The following NSD1 variants were observed in gnomAD, a reference collection of about 807,000 sequenced individuals.
The protein encoded by NSD1 is nuclear receptor binding SET domain protein 1.
In NSD1, 26 loss-of-function variants were observed where a neutral mutation model predicts 242.7. The ratio of observed to expected loss-of-function variants is 0.11; its 90% confidence interval spans 0.08 to 0.15. The LOEUF (loss-of-function observed/expected upper bound fraction) is 0.15. NSD1 is among the 10% of genes least tolerant of loss of function. NSD1 has a pLI of 1.00. For synonymous variants in NSD1, 1,106 were observed against 1,178.1 expected (o/e 0.94, Z 1.25); for missense variants, 2,495 against 3,272.8 (o/e 0.76, Z 5.80).
At chr5:177,292,525 G>T (rs1395988075) in intron 22 of NSD1, among the ~76,000 whole-genome samples, 1 of 152,116 alleles carries the variant, frequency 6.6e-6, no homozygotes, top group East Asian at 1.9e-4. Flanking sequence ...CTGGGTTTTT[G>T]ACTCCAAGAC....
Position 177,210,239 on chromosome 5 carries a change from G to A in NSD1, c.1840G>A (p.Val614Met), listed in dbSNP as rs3733875. Residue 614 changes from valine (V) to methionine (M), a missense_variant, in exon 5 of 23, where the codon GTG (valine) becomes ATG (methionine). Physicochemically the swap from Val to Met is conservative, Grantham distance 21. Coordinates refer to ENST00000439151, the MANE Select transcript of NSD1 (RefSeq NM_022455.5). The stretch of plus-strand genomic sequence containing the variant: ...GAAGAATAAACCCCAACGAAGCCTG[G>A]TGTGTGGTTCAAAAGTGAAGCTCTG... The part of the protein sequence containing the change: ...REKNKPQRSL[V>M]CGSKVKLCYI... 1.9e-6 allele frequency: 3 copies of A among 1,597,762 alleles called. No homozygotes were observed. Among genetic ancestry groups the A allele is most frequent in the Admixed American group, 1.7e-5 (1 of 57,236 alleles).
At chr5:177,199,063 A>G (rs770128534) in intron 3 of NSD1, among the ~76,000 whole-genome samples, 92 of 152,226 alleles carry the variant, frequency 6.0e-4, no homozygotes, top group Non-Finnish European at 1.2e-3. Flanking sequence ...TACACATTAA[A>G]TAGAAATGGT....
chr5:177,198,632 T>TG (rs146774548), intron 3 of NSD1, among the ~76,000 whole-genome samples: 1,948 of 152,164 alleles, frequency 0.013, 87 homozygotes, highest in East Asian at 0.11. Context: ...CACCAACATA[T>TG]GGGGGGGTCA....
At position 177,300,061 on chromosome 5, in the gene NSD1, C is replaced by CT. The variant is rs1228539235; in HGVS notation, c.*4602_*4603insT. ...CCATCATTGCTTTTTTGCCGCGCCCCCCCCCCCCCGCCCCCATAGATTGTC... is the reference window on the plus strand; with the variant it reads ...CCATCATTGCTTTTTTGCCGCGCCCCTCCCCCCCCCGCCCCCATAGATTGTC... On this transcript the variant is annotated 3_prime_UTR_variant, in exon 23 of 23. Transcript: ENST00000439151. 1 of 172,526 alleles carries CT rather than the reference C, an allele frequency of 5.8e-6. No homozygotes were observed. Among genetic ancestry groups the CT allele is most frequent in the South Asian group, 2.4e-4 (1 of 4,110 alleles). The allele number at this position is 172,526 out of a possible 1,614,324, so 10.7% of individuals were successfully genotyped here.
At chr5:177,221,151 G>T in intron 5 of NSD1, 2 of 353,408 alleles carry the variant, frequency 5.7e-6, no homozygotes, top group South Asian at 4.1e-5. Context: ...GGGATTACAG[G>T]TGTGAGCCAC....
At chr5:177,143,407 C>T (rs1451819032) in intron 2 of NSD1, among the ~76,000 whole-genome samples, 4 of 151,986 alleles carry the variant, frequency 2.6e-5, no homozygotes, top group East Asian at 1.9e-4. Context: ...CTGCAATCTC[C>T]GTCTGCCGTG....
chr5:177,150,916 A>G (rs1757649229), intron 2 of NSD1, among the ~76,000 whole-genome samples: 1 of 152,248 alleles, frequency 6.6e-6, no homozygotes, highest in Non-Finnish European at 1.5e-5. Context: ...TTGGAATTTT[A>G]CATTCAAAAG....
At position 177,300,055 on chromosome 5, in the gene NSD1, G is replaced by GCCCCC. The variant is rs1223900472; in HGVS notation, c.*4597_*4598insCCCCC. The stretch of plus-strand genomic sequence containing the variant: ...CAAGGTCCATCATTGCTTTTTTGCC[G>GCCCCC]CGCCCCCCCCCCCCCGCCCCCATAG... On this transcript the variant is annotated 3_prime_UTR_variant, in exon 23 of 23. Coordinates refer to ENST00000439151, the MANE Select transcript of NSD1 (RefSeq NM_022455.5). 2.2e-5 allele frequency: 3 copies of GCCCCC among 135,808 alleles called. No individual in the cohort carries two copies. The highest frequency in any genetic ancestry group is 1.3e-4 in the Admixed American group (1 of 7,948). The allele number at this position is 135,808 out of a possible 1,614,324, so 8.4% of individuals were successfully genotyped here.
chr5:177,166,517 CCTGGGTA>C (rs1284219545), intron 2 of NSD1, among the ~76,000 whole-genome samples: 1 of 151,288 alleles, frequency 6.6e-6, no homozygotes, highest in African/African-American at 2.4e-5. Flanking sequence ...TGCACTCCAG[CCTGGGTA>C]ATAGAGTGAG....
intron 2 of NSD1, among the ~76,000 whole-genome samples, chr5:177,156,543 G>A (rs186749736): frequency 2.0e-5 from 3 of 152,196 alleles, no homozygotes; most frequent in East Asian, 1.9e-4. Flanking sequence ...GGCTTGGAGC[G>A]GTGGCTCATG....
At position 177,211,522 on chromosome 5, in the gene NSD1, C is replaced by A. The variant is rs577884259; in HGVS notation, c.3123C>A (p.Asn1041Lys). 3 of 1,614,072 alleles carry A rather than the reference C, an allele frequency of 1.9e-6. No individual in the cohort carries two copies. The African/African-American group carries it at 4.0e-5, about 22-fold the overall frequency. Residue 1041 changes from asparagine (N) to lysine (K), a missense_variant, in exon 5 of 23, where the codon AAC (asparagine) becomes AAA (lysine). Physicochemically the swap from Asn to Lys is moderately conservative, Grantham distance 94. This residue lies in a region of NSD1 where 426 missense variants were observed against 411.4 expected (regional missense o/e 1.04). Coordinates refer to ENST00000439151, the MANE Select transcript of NSD1 (RefSeq NM_022455.5). ...CTTTTTCAGCCCAAATGGTAAAGAA[C>A]ACAGTGAACCGTAAAGCCTTAAAGA... ...RDAFSAQMVK[N>K]TVNRKALKTE...
At chr5:177,252,714 G>A (rs1248232230) in intron 12 of NSD1, among the ~76,000 whole-genome samples, 1 of 151,160 alleles carries the variant, frequency 6.6e-6, no homozygotes, top group Non-Finnish European at 1.5e-5. Context: ...ACCATGCGTG[G>A]GCAATTTTTT....
chr5:177,213,661 G>T (rs1009787808), intron 5 of NSD1, among the ~76,000 whole-genome samples: 2 of 152,090 alleles, frequency 1.3e-5, no homozygotes, highest in South Asian at 2.1e-4. Flanking sequence ...TAGTAGAGAC[G>T]GGGTTTCACT....
intron 15 of NSD1, among the ~76,000 whole-genome samples, chr5:177,268,339 TG>T (rs1757679397): frequency 2.6e-5 from 2 of 77,868 alleles, no homozygotes; most frequent in African/African-American, 5.1e-5. Flanking sequence ...GGGTGGGGGG[TG>T]GGGGGAGGGA....
chr5:177,219,130 T>C (rs998279601), intron 5 of NSD1, among the ~76,000 whole-genome samples: 6 of 152,066 alleles, frequency 3.9e-5, no homozygotes, highest in Non-Finnish European at 8.8e-5. Flanking sequence ...TTTTTCAATG[T>C]TGGCATTTAC....
intron 2 of NSD1, among the ~76,000 whole-genome samples, chr5:177,143,032 A>G (rs1050909311): frequency 6.6e-5 from 10 of 152,122 alleles, no homozygotes; most frequent in Non-Finnish European, 5.9e-5. Flanking sequence ...AGTGTATAGC[A>G]TGGTGCCTTC....
chr5:177,152,321 G>GT (rs1757783785), intron 2 of NSD1, among the ~76,000 whole-genome samples: 1 of 86,992 alleles, frequency 1.1e-5, no homozygotes, highest in African/African-American at 4.9e-5. Flanking sequence ...GTGTGTGTGT[G>GT]TATGTATGTA....
intron 2 of NSD1, among the ~76,000 whole-genome samples, chr5:177,140,980 GCT>G (rs930318123): frequency 6.6e-6 from 1 of 152,012 alleles, no homozygotes. Flanking sequence ...CTGAGGTTCT[GCT>G]CTCTCTCCGA....
At chr5:177,133,713 C>G (rs1367774858), upstream of NSD1, 1 of 148,328 alleles carries the variant, frequency 6.7e-6, no homozygotes, top group African/African-American at 2.5e-5. The surrounding 1 kb of genome is among the most constrained non-coding windows in gnomAD (Gnocchi z 6.2). Flanking sequence ...CGGGCCGGCG[C>G]GAGGCGCTCG....
Sources: allele counts gnomAD v4.1 joint callset (sites outside exome capture counted in the v4.1 genomes callset), GRCh38; gene constraint gnomAD v4.1.1; regional missense constraint gnomAD v4.1.1; non-coding constraint Gnocchi (gnomAD v3.1); transcripts MANE v1.5; gene names NCBI Gene and HGNC (gene_info 2026-07-23, HGNC 2026-07-21).